Variants in ZFHX3 observed in about 807,000 individuals in gnomAD.
ZFHX3 encodes the protein zinc finger homeobox 3.
In ZFHX3, 42 loss-of-function variants were observed where a neutral mutation model predicts 279.1. The observed-to-expected ratio is 0.15, with a 90% CI of 0.12 to 0.19. The LOEUF is 0.19. Among genes scored for constraint, ZFHX3 ranks in the 10% least tolerant of loss-of-function variants. The pLI, the probability that ZFHX3 is intolerant of heterozygous loss-of-function variation, is 1.00. For synonymous variants in ZFHX3, 2,293 were observed against 1,957.8 expected, an observed-to-expected ratio of 1.17 and a Z score of -4.52; for missense variants, 4,981 against 4,754.0, an observed-to-expected ratio of 1.05 and a Z score of -1.40.
intron 1 of ZFHX3, among the ~76,000 whole-genome samples, chr16:73,874,516 T>C (rs182752645): frequency 6.6e-6 from 1 of 152,338 alleles, no homozygotes; most frequent in East Asian, 1.9e-4. Flanking sequence ...CCCCTCTAAA[T>C]GTACACACTC....
At chr16:73,104,479 G>A (rs138462822) in intron 7 of ZFHX3, among the ~76,000 whole-genome samples, 2,928 of 152,116 alleles carry the variant, frequency 0.019, 47 homozygotes, top group Middle Eastern at 0.048. Context: ...ATCCACCTGC[G>A]TCAGCCTCCC....
At chr16:73,481,426 G>A (rs1229561674) in intron 2 of ZFHX3, among the ~76,000 whole-genome samples, 1 of 151,746 alleles carries the variant, frequency 6.6e-6, no homozygotes, top group Non-Finnish European at 1.5e-5. Flanking sequence ...CCAAATTTTA[G>A]TATTACTTTT....
chr16:73,695,557 C>G (rs568032928), intron 1 of ZFHX3, among the ~76,000 whole-genome samples: 2 of 152,156 alleles, frequency 1.3e-5, no homozygotes, highest in Admixed American at 6.5e-5. Flanking sequence ...GCGTTGAGTC[C>G]AGGTCTTTCT....
intron 4 of ZFHX3, among the ~76,000 whole-genome samples, chr16:72,856,871 G>C (rs943813240): frequency 6.6e-6 from 1 of 152,138 alleles, no homozygotes; most frequent in Non-Finnish European, 1.5e-5. Context: ...TATAAATACA[G>C]ACAGGAAGAT....
intron 1 of ZFHX3, among the ~76,000 whole-genome samples, chr16:73,723,045 C>T (rs562307191): frequency 2.2e-4 from 33 of 152,302 alleles, no homozygotes; most frequent in African/African-American, 7.9e-4. Context: ...CAAATGTTCT[C>T]CTTTCCATTA....
intron 1 of ZFHX3, among the ~76,000 whole-genome samples, chr16:73,690,752 G>A (rs1720351529): frequency 6.6e-6 from 1 of 152,208 alleles, no homozygotes; most frequent in Admixed American, 6.5e-5. Flanking sequence ...AATAAGCCCT[G>A]CTAAATACTG....
chr16:72,996,692 T>C (rs947487693), intron 1 of ZFHX3, among the ~76,000 whole-genome samples: 1 of 152,214 alleles, frequency 6.6e-6, no homozygotes, highest in South Asian at 2.1e-4. Flanking sequence ...CTGAGTGCAA[T>C]CCAACCACGG....
chr16:73,289,904 C>A (rs1386921691), intron 4 of ZFHX3, among the ~76,000 whole-genome samples: 2 of 152,072 alleles, frequency 1.3e-5, no homozygotes, highest in African/African-American at 4.8e-5. Context: ...TCACCCGGGG[C>A]CCCTTTGGGA....
chr16:72,946,857 T>A (rs1290628679), intron 3 of ZFHX3, among the ~76,000 whole-genome samples: 1 of 152,144 alleles, frequency 6.6e-6, no homozygotes, highest in East Asian at 1.9e-4. Context: ...TACATTTACA[T>A]GTGAAAGCAG....
intron 3 of ZFHX3, among the ~76,000 whole-genome samples, chr16:72,940,151 G>A (rs1379473383): frequency 1.3e-5 from 2 of 151,768 alleles, no homozygotes; most frequent in African/African-American, 2.4e-5. Context: ...GGCTCAAGTG[G>A]TTCTCCTGCC....
At chr16:73,807,930 T>G (rs2142333405) in intron 1 of ZFHX3, among the ~76,000 whole-genome samples, 1 of 152,198 alleles carries the variant, frequency 6.6e-6, no homozygotes, top group South Asian at 2.1e-4. Flanking sequence ...CCTCATGAAC[T>G]TGGTACCATT....
At chr16:73,770,239 G>C (rs1037256985) in intron 1 of ZFHX3, among the ~76,000 whole-genome samples, 3 of 152,218 alleles carry the variant, frequency 2.0e-5, no homozygotes, top group Admixed American at 2.0e-4. Context: ...TGTAATGTTA[G>C]AAATACTCTG....
At chr16:73,873,569 T>C (rs1436431027) in intron 1 of ZFHX3, among the ~76,000 whole-genome samples, 2 of 130,086 alleles carry the variant, frequency 1.5e-5, no homozygotes, top group East Asian at 1.9e-4. Context: ...TTTTACTTTT[T>C]ACAGAGAAAA....
At chr16:72,877,276 C>G (rs2038337337) in intron 4 of ZFHX3, among the ~76,000 whole-genome samples, 1 of 152,166 alleles carries the variant, frequency 6.6e-6, no homozygotes, top group South Asian at 2.1e-4. Context: ...GTCATCAGCC[C>G]TCAAGAATCG....
chr16:73,524,463 G>C (rs1243568052), intron 2 of ZFHX3, among the ~76,000 whole-genome samples: 1 of 152,178 alleles, frequency 6.6e-6, no homozygotes. Flanking sequence ...AAAGGCAGAA[G>C]GGCAGAAATC....
intron 1 of ZFHX3, among the ~76,000 whole-genome samples, chr16:73,697,844 T>C (rs75756341): frequency 0.015 from 2,262 of 152,232 alleles, 52 homozygotes; most frequent in African/African-American, 0.052. Flanking sequence ...CTGGAAAACG[T>C]ATGTTTATTT....
intron 2 of ZFHX3, among the ~76,000 whole-genome samples, chr16:73,654,183 CAAA>C (rs35720246): frequency 1.1e-5 from 1 of 89,006 alleles, no homozygotes; most frequent in Non-Finnish European, 2.4e-5. Flanking sequence ...GACTCAGTCT[CAAA>C]AAAAAAAAAA....
At chr16:73,740,527 A>G (rs1383980504) in intron 1 of ZFHX3, among the ~76,000 whole-genome samples, 2 of 152,136 alleles carry the variant, frequency 1.3e-5, no homozygotes, top group South Asian at 4.1e-4. Flanking sequence ...TTCTCAAATC[A>G]TAAGAAAAAG....
At chr16:73,523,600 G>T (rs2019642908) in intron 2 of ZFHX3, among the ~76,000 whole-genome samples, 1 of 148,512 alleles carries the variant, frequency 6.7e-6, no homozygotes, top group South Asian at 2.2e-4. Flanking sequence ...CTGGGGGTAG[G>T]GGGCAGGGAA....
Sources: allele counts gnomAD v4.1 joint callset (sites outside exome capture counted in the v4.1 genomes callset), GRCh38; gene constraint gnomAD v4.1.1; transcripts MANE v1.5; gene names NCBI Gene and HGNC (gene_info 2026-07-23, HGNC 2026-07-21).